The following NPSR1 variants were observed in gnomAD, a reference collection of about 807,000 sequenced individuals.
NPSR1 encodes the protein neuropeptide S receptor.
In NPSR1, 48 loss-of-function variants were observed where a neutral mutation model predicts 46.9. The observed-to-expected ratio is 1.02, with a 90% CI of 0.81 to 1.30. NPSR1 has a LOEUF of 1.30. Ranked by LOEUF, NPSR1 falls within the 50% of genes most tolerant of loss-of-function variation. The pLI is 0.00. For missense variants in NPSR1, 450 were observed against 449.5 expected, an observed-to-expected ratio of 1.00 and a Z score of -0.01; for synonymous variants, 176 against 168.1, an observed-to-expected ratio of 1.05 and a Z score of -0.36.
chr7:34,764,162 C>T (rs149029772), intron 2 of NPSR1, among the ~76,000 whole-genome samples: 2,716 of 152,248 alleles, frequency 0.018, 47 homozygotes, highest in South Asian at 0.093. Flanking sequence ...ACGACAAAGG[C>T]ATGTTTGTTT....
chr7:34,789,822 G>A lies in NPSR1; in HGVS notation c.384+11257G>A, dbSNP rs1024580921. 3.3e-5 allele frequency among the ~76,000 whole-genome samples: 5 copies of A among 149,788 alleles called. No individual in the cohort carries two copies. The East Asian group carries it at 5.9e-4, about 18-fold the overall frequency. On this transcript the variant is annotated intron_variant, in intron 3 of 8. Transcript: ENST00000360581. ...GATACACAAAAACTACCAAGACTTT[G>A]AGTATTGAAGGAATGGAAAATCTGA...
At chr7:34,724,833 C>G (rs1297397043) in intron 2 of NPSR1, among the ~76,000 whole-genome samples, 1 of 152,106 alleles carries the variant, frequency 6.6e-6, no homozygotes, top group Non-Finnish European at 1.5e-5. Flanking sequence ...GGAGTGATAA[C>G]TACCATCATT....
At chr7:34,859,859 G>C (rs1370360516) in intron 8 of NPSR1, among the ~76,000 whole-genome samples, 1 of 151,714 alleles carries the variant, frequency 6.6e-6, no homozygotes, top group Non-Finnish European at 1.5e-5. Flanking sequence ...TCAATGGGCT[G>C]GTACTTAGGA....
chr7:34,698,016 G>T (rs953262197), intron 2 of NPSR1, among the ~76,000 whole-genome samples: 37 of 152,008 alleles, frequency 2.4e-4, no homozygotes, highest in African/African-American at 8.0e-4. Flanking sequence ...AAATTAAAAG[G>T]AAAAGGATGG....
chr7:34,838,394 T>C (rs190557743), intron 6 of NPSR1, among the ~76,000 whole-genome samples: 2 of 152,360 alleles, frequency 1.3e-5, no homozygotes, highest in East Asian at 3.9e-4. Flanking sequence ...ATTAGTGACC[T>C]CATCCCGAAA....
intron 2 of NPSR1, among the ~76,000 whole-genome samples, chr7:34,687,870 G>A (rs1400388394): frequency 1.3e-5 from 2 of 152,196 alleles, no homozygotes; most frequent in Non-Finnish European, 2.9e-5. Flanking sequence ...AGATTTCATA[G>A]AGCAGAAAAT....
intron 1 of NPSR1, among the ~76,000 whole-genome samples, chr7:34,667,675 G>T (rs1267530222): frequency 6.6e-6 from 1 of 152,056 alleles, no homozygotes; most frequent in Non-Finnish European, 1.5e-5. Context: ...GGTTGGAAAG[G>T]AATAAGATGC....
At chr7:34,687,212 T>A (rs1792981580) in intron 2 of NPSR1, among the ~76,000 whole-genome samples, 1 of 152,002 alleles carries the variant, frequency 6.6e-6, no homozygotes, top group Non-Finnish European at 1.5e-5. Context: ...CTGGAACTAG[T>A]TACAATGATA....
chr7:34,702,031 C>G (rs323917), intron 2 of NPSR1, among the ~76,000 whole-genome samples: 10,403 of 152,228 alleles, frequency 0.068, 397 homozygotes, highest in South Asian at 0.089. Flanking sequence ...GAAGTCCGGA[C>G]GTAGGTAATC....
rs766163755 is a variant in NPSR1, at chr7:34,844,949, A to C, written c.811A>C (p.Lys271Gln). The C allele has an allele frequency of 6.2e-7, 1 of 1,613,162 alleles. No homozygotes were observed. The highest frequency in any genetic ancestry group is 8.5e-7 in the Non-Finnish European group (1 of 1,179,098). ...AGGACTCATCTCAAAGGCAAAAATC[A>C]AGGCTATCAAGTATAGCATCATCAT... ...NRGLISKAKIKAIKYSIIIIL... is the reference protein window; with the variant it reads ...NRGLISKAKIQAIKYSIIIIL... Residue 271 changes from lysine (K) to glutamine (Q), a missense_variant, in exon 7 of 9, where the codon AAG (lysine) becomes CAG (glutamine). By Grantham distance (53) the Lys-to-Gln change is moderately conservative. Transcript: ENST00000360581.
intron 1 of NPSR1, among the ~76,000 whole-genome samples, chr7:34,667,447 C>T (rs1483112601): frequency 6.6e-6 from 1 of 152,172 alleles, no homozygotes; most frequent in African/African-American, 2.4e-5. Context: ...TGCTCTTCCC[C>T]ATCAAAGGCC....
At chr7:34,725,969 T>C (rs1008528270) in intron 2 of NPSR1, among the ~76,000 whole-genome samples, 3 of 152,202 alleles carry the variant, frequency 2.0e-5, no homozygotes, top group African/African-American at 7.2e-5. Flanking sequence ...CCTGCCGCCA[T>C]GTAAGATATG....
At chr7:34,794,285 T>C (rs552727224) in intron 3 of NPSR1, among the ~76,000 whole-genome samples, 13 of 152,290 alleles carry the variant, frequency 8.5e-5, no homozygotes, top group Non-Finnish European at 1.8e-4. Context: ...ATTACCCTGA[T>C]TTGAGCATTA....
At chr7:34,664,948 T>C (rs1045615213) in intron 1 of NPSR1, among the ~76,000 whole-genome samples, 4 of 152,208 alleles carry the variant, frequency 2.6e-5, no homozygotes, top group Non-Finnish European at 5.9e-5. Flanking sequence ...TCTATTACTC[T>C]TGTCAGCACT....
Position 34,845,156 on chromosome 7 carries a change from T to A in NPSR1, c.844+174T>A, listed in dbSNP as rs1002336566. On this transcript the variant is annotated intron_variant, in intron 7 of 8. Transcript: ENST00000360581. ...TTCATGGTTCCTTCAAGGGCTGACA[T>A]TTGGTTCCTAATCCCTCTCCTTATG... 2.6e-5 allele frequency among the ~76,000 whole-genome samples: 4 copies of A among 152,176 alleles called. No homozygotes were observed. In the East Asian group the frequency reaches 7.7e-4, roughly 29 times the overall value.
intron 3 of NPSR1, among the ~76,000 whole-genome samples, chr7:34,808,872 A>AT (rs1788839614): frequency 6.6e-6 from 1 of 151,824 alleles, no homozygotes; most frequent in Non-Finnish European, 1.5e-5. Context: ...TAACTTTTAA[A>AT]TTTTTTTACC....
chr7:34,850,223 C>A (rs888391331), downstream of NPSR1, among the ~76,000 whole-genome samples: 2 of 152,180 alleles, frequency 1.3e-5, no homozygotes, highest in Non-Finnish European at 1.5e-5. Flanking sequence ...CAGCCAAGTG[C>A]ATCTCCTATT....
At chr7:34,848,732 G>T in intron 8 of NPSR1, 69 bp downstream of exon 8, 1 of 1,384,474 alleles carries the variant, frequency 7.2e-7, no homozygotes, top group South Asian at 1.3e-5. Flanking sequence ...CAACATGTGG[G>T]TTTCTCATGT....
intron 2 of NPSR1, among the ~76,000 whole-genome samples, chr7:34,739,336 C>T (rs1784827465): frequency 6.6e-6 from 1 of 152,174 alleles, no homozygotes; most frequent in Non-Finnish European, 1.5e-5. Flanking sequence ...ACAATGACTG[C>T]ATCTTTTTAT....
Sources: gnomAD v4.1 joint callset for allele counts (sites outside exome capture counted in the v4.1 genomes callset) on GRCh38, gnomAD v4.1.1 for gene constraint, MANE v1.5 for transcripts, NCBI Gene and HGNC (gene_info 2026-07-23, HGNC 2026-07-21) for gene names.